TSPEAR: variants seen among roughly 807,000 people sequenced by gnomAD.
The protein encoded by TSPEAR is thrombospondin type laminin G domain and EAR repeats, also known as thrombospondin-type laminin G domain and EAR repeat-containing protein.
A neutral mutation model predicts 71.6 loss-of-function variants in TSPEAR; 69 were observed. The observed-to-expected ratio is 0.96, with a 90% CI of 0.79 to 1.18. TSPEAR has a LOEUF of 1.18. Ranked by LOEUF, TSPEAR falls within the 50% of genes most tolerant of loss-of-function variation. The pLI is 0.00. For missense variants in TSPEAR, 971 were observed against 894.9 expected (o/e 1.09, Z -1.09); for synonymous variants, 402 against 387.2 (o/e 1.04, Z -0.45).
chr21:44,711,537 C>A lies in TSPEAR; in HGVS notation c.-23G>T. On this transcript the variant is annotated 5_prime_UTR_variant, in exon 1 of 12. It removes an upstream start codon present in the reference 5' UTR. Transcript: ENST00000323084. The surrounding 1 kb of genome is among the most constrained non-coding windows in gnomAD (Gnocchi z 4.5). Reference sequence around the variant, plus strand: ...CATGAGGGGCTTGGGTGCCAAGCTCCATCCAGGGCTCCGCTCAGCCTGCAG... The same window carrying A: ...CATGAGGGGCTTGGGTGCCAAGCTCAATCCAGGGCTCCGCTCAGCCTGCAG... 6.2e-7 allele frequency: 1 copy of A among 1,604,030 alleles called. No homozygotes were observed. Among genetic ancestry groups the A allele is most frequent in the South Asian group, 1.1e-5 (1 of 89,618 alleles).
At chr21:44,601,886 G>A (rs1555928949) in intron 1 of TSPEAR, 1 of 1,083,550 alleles carries the variant, frequency 9.2e-7, no homozygotes, top group East Asian at 2.6e-5. Context: ...TCTCCTCCTA[G>A]AAGCAGCTCA....
At chr21:44,640,728 A>G (rs1555938377) in intron 1 of TSPEAR, among the ~76,000 whole-genome samples, 1 of 152,226 alleles carries the variant, frequency 6.6e-6, no homozygotes, top group East Asian at 1.9e-4. Flanking sequence ...AGACAAAAAG[A>G]TCAGGTTCTA....
chr21:44,518,804 C>G (rs2052668258), intron 9 of TSPEAR: 3 of 424,510 alleles, frequency 7.1e-6, no homozygotes, highest in Non-Finnish European at 1.5e-5. Flanking sequence ...GGCAAAGCTC[C>G]TCAAACATGC....
chr21:44,557,707 C>A (rs782642237), intron 2 of TSPEAR: 1 of 328,330 alleles, frequency 3.0e-6, no homozygotes, highest in Non-Finnish European at 5.7e-6. Flanking sequence ...CAGCTCAAGG[C>A]CAGAGTCCCG....
chr21:44,672,147 A>C (rs587740203), intron 1 of TSPEAR, among the ~76,000 whole-genome samples: 1 of 152,304 alleles, frequency 6.6e-6, no homozygotes, highest in African/African-American at 2.4e-5. Context: ...GAAACAACTC[A>C]GTCAGACAAA....
intron 10 of TSPEAR, among the ~76,000 whole-genome samples, chr21:44,505,817 A>C (rs1182991299): frequency 2.6e-5 from 4 of 152,030 alleles, no homozygotes; most frequent in African/African-American, 9.7e-5. Context: ...GCTGACAGAC[A>C]CTTGGGGAAT....
At chr21:44,664,691 T>C (rs1185255980) in intron 1 of TSPEAR, among the ~76,000 whole-genome samples, 1 of 152,202 alleles carries the variant, frequency 6.6e-6, no homozygotes, top group Non-Finnish European at 1.5e-5. Flanking sequence ...CAGGGCAGGA[T>C]GGTGTTGGCA....
chr21:44,671,047 C>T (rs9967974), intron 1 of TSPEAR, among the ~76,000 whole-genome samples: 78,689 of 152,102 alleles, frequency 0.52, 20,820 homozygotes, highest in African/African-American at 0.63. Flanking sequence ...CCTCAGTGCC[C>T]AAGCATACCA....
chr21:44,555,835 C>T (rs587641287), intron 2 of TSPEAR, among the ~76,000 whole-genome samples: 1 of 152,290 alleles, frequency 6.6e-6, no homozygotes, highest in South Asian at 2.1e-4. Context: ...GGGCTGGGAG[C>T]TTGCAAAGGA....
intron 1 of TSPEAR, among the ~76,000 whole-genome samples, chr21:44,610,254 C>T (rs1213473742): frequency 1.3e-5 from 2 of 152,216 alleles, no homozygotes; most frequent in Non-Finnish European, 2.9e-5. Flanking sequence ...AAAATATCTC[C>T]AGGCCATGTC....
intron 11 of TSPEAR, among the ~76,000 whole-genome samples, chr21:44,504,180 T>C (rs1211004449): frequency 3.5e-3 from 298 of 86,128 alleles, no homozygotes; most frequent in Middle Eastern, 0.027. Context: ...AGGCCGGCCT[T>C]GGTGAGCCCA....
At chr21:44,526,181 C>T (rs1307071991) in intron 7 of TSPEAR, among the ~76,000 whole-genome samples, 3 of 152,184 alleles carry the variant, frequency 2.0e-5, no homozygotes, top group African/African-American at 7.2e-5. Flanking sequence ...CAGAAAAACG[C>T]ATCACAACCT....
intron 2 of TSPEAR, chr21:44,551,528 G>A: frequency 3.3e-6 from 5 of 1,536,056 alleles, no homozygotes; most frequent in Non-Finnish European, 3.5e-6. Context: ...GTGTGTGAGT[G>A]AGTGTGTGTG....
At chr21:44,539,087 C>CT (rs782335465) in intron 2 of TSPEAR, 169 of 785,518 alleles carry the variant, frequency 2.2e-4, no homozygotes, top group Non-Finnish European at 2.5e-4. Context: ...GACAGGGGAC[C>CT]TAGCAGGCAG....
chr21:44,708,045 A>ACACC (rs1491262348), intron 1 of TSPEAR, among the ~76,000 whole-genome samples: 8 of 121,208 alleles, frequency 6.6e-5, no homozygotes, highest in African/African-American at 2.2e-4. Flanking sequence ...ACACACACAC[A>ACACC]CCACACAGCA....
In TSPEAR at chr21:44,593,817, T is replaced by C. The variant is rs782064284; in HGVS notation, c.83-25812A>G. On this transcript the variant is annotated intron_variant, in intron 1 of 11. Transcript: ENST00000323084. This position sits in a 1 kb window ranked among gnomAD's most constrained non-coding sequence, Gnocchi z 5.9. Reference sequence around the variant, plus strand: ...TTTTCTACAGTGGCTAAACACGCACTGGCCCCGCGATGAGGATGAGCAAGG... The same window carrying C: ...TTTTCTACAGTGGCTAAACACGCACCGGCCCCGCGATGAGGATGAGCAAGG... 1.3e-5 allele frequency among the ~76,000 whole-genome samples: 2 copies of C among 152,180 alleles called. No homozygotes were observed. Among genetic ancestry groups the C allele is most frequent in the African/African-American group, 4.8e-5 (2 of 41,532 alleles).
At chr21:44,654,613 A>G (rs1040272984) in intron 1 of TSPEAR, 1 of 1,553,416 alleles carries the variant, frequency 6.4e-7, no homozygotes, top group Non-Finnish European at 8.7e-7. Flanking sequence ...GGTGTGGCAC[A>G]TGATGGAGTG....
rs587766307 is a variant in TSPEAR at position 44,551,536 on chromosome 21, G to T, written c.303+16249C>A. 8.5e-6 allele frequency: 13 copies of T among 1,532,278 alleles called. No homozygotes were observed. In the South Asian group the frequency reaches 1.0e-4, roughly 12 times the overall value. The allele number at this position is 1,532,278 out of a possible 1,614,324, so 94.9% of individuals were successfully genotyped here. On this transcript the variant is annotated intron_variant, in intron 2 of 11. Coordinates refer to ENST00000323084, the MANE Select transcript of TSPEAR (RefSeq NM_144991.3). ...TGTGTGAGTGTGTGAGTGAGTGTGT[G>T]TGTGAGCCTGTTGGCTGCTGGGGCT...
chr21:44,557,838 G>A, intron 2 of TSPEAR: 2 of 629,900 alleles, frequency 3.2e-6, no homozygotes, highest in South Asian at 2.0e-5. Flanking sequence ...CACTCACATG[G>A]GGCAGGACAC....
Sources: gnomAD v4.1 joint callset for allele counts (sites outside exome capture counted in the v4.1 genomes callset) on GRCh38, gnomAD v4.1.1 for gene constraint, Gnocchi (gnomAD v3.1) non-coding constraint, MANE v1.5 for transcripts, NCBI Gene and HGNC (gene_info 2026-07-23, HGNC 2026-07-21) for gene names.